The following RBFOX1 variants were observed in gnomAD, a reference collection of about 807,000 sequenced individuals.
RBFOX1 encodes the protein RNA binding protein fox-1 homolog 1.
RBFOX1 carries 8 observed loss-of-function variants against 57.7 expected under a neutral mutation model. The observed-to-expected ratio is 0.14, with a 90% CI of 0.08 to 0.25. The LOEUF (loss-of-function observed/expected upper bound fraction) is 0.25, where lower values mean the gene tolerates loss of function less well. RBFOX1 is among the 10% of genes least tolerant of loss of function. The pLI, the probability that RBFOX1 is intolerant of heterozygous loss-of-function variation, is 1.00. For synonymous variants in RBFOX1, 326 were observed against 222.4 expected (o/e 1.47, Z -4.15); for missense variants, 611 against 548.5 (o/e 1.11, Z -1.14).
intron 1 of RBFOX1, among the ~76,000 whole-genome samples, chr16:6,220,957 T>C (rs549871086): frequency 6.3e-4 from 94 of 149,184 alleles, no homozygotes; most frequent in Admixed American, 1.9e-3. Flanking sequence ...TACTTCACTC[T>C]GTGTGTGTGT....
At chr16:5,981,028 A>G (rs999297342) in intron 4 of RBFOX1, among the ~76,000 whole-genome samples, 7 of 152,200 alleles carry the variant, frequency 4.6e-5, no homozygotes, top group Non-Finnish European at 8.8e-5. Context: ...GAAAATGCGC[A>G]TCAGACTCCA....
chr16:6,981,419 A>G (rs1003981879), intron 3 of RBFOX1, among the ~76,000 whole-genome samples: 1 of 152,170 alleles, frequency 6.6e-6, no homozygotes, highest in Non-Finnish European at 1.5e-5. Context: ...TGCAAAGGAC[A>G]TCATCTTATT....
chr16:7,494,423 C>G (rs1377491915), intron 4 of RBFOX1, among the ~76,000 whole-genome samples: 1 of 152,172 alleles, frequency 6.6e-6, no homozygotes, highest in African/African-American at 2.4e-5. Context: ...TCTGCTCCCT[C>G]AACATGCTCC....
chr16:6,667,141 A>T (rs8051188), intron 3 of RBFOX1, among the ~76,000 whole-genome samples: 98,748 of 151,996 alleles, frequency 0.65, 33,085 homozygotes, highest in African/African-American at 0.81. Context: ...AGGTAAAAAG[A>T]CGCAGAGCTT....
chr16:6,663,052 A>C (rs1286531555), intron 3 of RBFOX1, among the ~76,000 whole-genome samples: 2 of 152,180 alleles, frequency 1.3e-5, no homozygotes, highest in Middle Eastern at 3.2e-3. Context: ...GTAAGTTTCA[A>C]ACTCTCCTTG....
In RBFOX1 at chr16:6,713,682, C is replaced by G. The variant is rs141515708; in HGVS notation, c.-16+59032C>G. Among the ~76,000 whole-genome samples, 35 of 152,286 alleles carry G rather than the reference C, an allele frequency of 2.3e-4. 1 individual carries two copies. The highest frequency in any genetic ancestry group is 7.9e-4 in the African/African-American group (33 of 41,586). On this transcript the variant is annotated intron_variant, in intron 3 of 15. Transcript: ENST00000550418. ...TACAGTTGCCCAAACATCCCCTGTCCTCCCTTGTTTTTAGACATTTGCAGA... is the reference window on the plus strand; with the variant it reads ...TACAGTTGCCCAAACATCCCCTGTCGTCCCTTGTTTTTAGACATTTGCAGA...
intron 3 of RBFOX1, among the ~76,000 whole-genome samples, chr16:6,860,497 G>C (rs879588472): frequency 6.6e-6 from 1 of 152,114 alleles, no homozygotes; most frequent in Admixed American, 6.5e-5. Context: ...CTGCTTTGGC[G>C]CTCACTTTAG....
chr16:5,779,627 T>G (rs2054262897), intron 3 of RBFOX1, among the ~76,000 whole-genome samples: 4 of 152,192 alleles, frequency 2.6e-5, no homozygotes, highest in African/African-American at 9.6e-5. Context: ...GCCTTCCCTC[T>G]TCATTCTCCT....
At chr16:7,454,852 G>A (rs9924951) in intron 4 of RBFOX1, among the ~76,000 whole-genome samples, 59,271 of 152,086 alleles carry the variant, frequency 0.39, 11,879 homozygotes, top group Non-Finnish European at 0.44. Context: ...GGACCTAGGC[G>A]AGTTACATCA....
intron 1 of RBFOX1, among the ~76,000 whole-genome samples, chr16:6,235,735 C>T (rs1352258580): frequency 6.6e-6 from 1 of 152,010 alleles, no homozygotes; most frequent in African/African-American, 2.4e-5. Context: ...GAGACTATTA[C>T]TCTAAGTGAA....
intron 2 of RBFOX1, among the ~76,000 whole-genome samples, chr16:5,555,967 G>C (rs191826979): frequency 2.0e-5 from 3 of 152,250 alleles, no homozygotes; most frequent in East Asian, 3.9e-4. Flanking sequence ...GTTGCAGCGA[G>C]CTGAGGTCAT....
intron 2 of RBFOX1, among the ~76,000 whole-genome samples, chr16:5,554,360 C>T (rs1416641999): frequency 1.3e-5 from 2 of 151,826 alleles, no homozygotes; most frequent in Non-Finnish European, 2.9e-5. Context: ...GTGTATATTT[C>T]TGTAAAAAAT....
chr16:5,716,141 C>T (rs553431064), intron 3 of RBFOX1, among the ~76,000 whole-genome samples: 1 of 152,282 alleles, frequency 6.6e-6, no homozygotes, highest in Admixed American at 6.5e-5. Context: ...ATTTAAATTT[C>T]ACGTAAACCT....
intron 3 of RBFOX1, among the ~76,000 whole-genome samples, chr16:5,751,226 A>G (rs969540355): frequency 1.3e-5 from 2 of 152,190 alleles, no homozygotes; most frequent in Non-Finnish European, 2.9e-5. Context: ...TGGAGAGATG[A>G]TGGATTAGAC....
chr16:7,074,724 G>A (rs1236527659), intron 4 of RBFOX1, among the ~76,000 whole-genome samples: 2 of 152,130 alleles, frequency 1.3e-5, no homozygotes, highest in African/African-American at 4.8e-5. Flanking sequence ...CAGAGAGCAT[G>A]GGGAAAAACA....
At chr16:7,443,141 C>G (rs145056010) in intron 4 of RBFOX1, among the ~76,000 whole-genome samples, 1 of 152,326 alleles carries the variant, frequency 6.6e-6, no homozygotes, top group African/African-American at 2.4e-5. Flanking sequence ...GGAGATGTTT[C>G]TAATGTTTCT....
At chr16:5,611,013 G>T (rs2047763680) in intron 3 of RBFOX1, among the ~76,000 whole-genome samples, 1 of 152,192 alleles carries the variant, frequency 6.6e-6, no homozygotes, top group African/African-American at 2.4e-5. Context: ...CTACGATGTG[G>T]CCTCTGTGTC....
At chr16:5,917,020 C>A (rs1240700419) in intron 4 of RBFOX1, among the ~76,000 whole-genome samples, 1 of 152,140 alleles carries the variant, frequency 6.6e-6, no homozygotes, top group Non-Finnish European at 1.5e-5. Context: ...TGAATTGAGT[C>A]AGAAGGGCTT....
At chr16:7,707,399 A>C (rs1286463681) in intron 14 of RBFOX1, among the ~76,000 whole-genome samples, 1 of 152,164 alleles carries the variant, frequency 6.6e-6, no homozygotes, top group African/African-American at 2.4e-5. Flanking sequence ...AATGGGGGGA[A>C]AACAGGAAAG....
Sources: gnomAD v4.1 joint callset for allele counts (sites outside exome capture counted in the v4.1 genomes callset) on GRCh38, gnomAD v4.1.1 for gene constraint, MANE v1.5 for transcripts, NCBI Gene and HGNC (gene_info 2026-07-23, HGNC 2026-07-21) for gene names.